The following CTNNA1 variants were observed in gnomAD, a reference collection of about 807,000 sequenced individuals.
CTNNA1 encodes catenin alpha-1.
CTNNA1 carries 37 observed loss-of-function variants against 98.4 expected under a neutral mutation model. The ratio of observed to expected loss-of-function variants is 0.38; its 90% CI spans 0.29 to 0.49. The LOEUF (loss-of-function observed/expected upper bound fraction) is 0.49. Ranked by LOEUF, CTNNA1 falls within the 20% of genes least tolerant of loss-of-function variation. The pLI is 0.95. For synonymous variants in CTNNA1, 404 were observed against 413.2 expected (o/e 0.98, Z 0.27); for missense variants, 761 against 1,147.2 (o/e 0.66, Z 4.86).
intron 7 of CTNNA1, chr5:138,871,134 T>C (rs923387301): frequency 1.3e-5 from 2 of 152,214 alleles, no homozygotes; most frequent in Non-Finnish European, 2.9e-5. Flanking sequence ...GGCTAAACTA[T>C]AGCCTTAACA....
chr5:138,867,998 C>T (rs1295864852), intron 7 of CTNNA1, among the ~76,000 whole-genome samples: 2 of 152,146 alleles, frequency 1.3e-5, no homozygotes, highest in Non-Finnish European at 2.9e-5. Flanking sequence ...GTGATCCACC[C>T]ACCTCAGCCT....
chr5:138,837,351 G>T (rs1049297729), intron 7 of CTNNA1, among the ~76,000 whole-genome samples: 23 of 152,178 alleles, frequency 1.5e-4, no homozygotes, highest in African/African-American at 5.5e-4. Flanking sequence ...AGTCTAGCCT[G>T]CCACTTATTT....
At chr5:138,824,100 G>GTGAT (rs1760390241) in intron 5 of CTNNA1, among the ~76,000 whole-genome samples, 1 of 150,984 alleles carries the variant, frequency 6.6e-6, no homozygotes, top group South Asian at 2.1e-4. Flanking sequence ...ATATAGAGTT[G>GTGAT]TAATCAAGAT....
intron 7 of CTNNA1, among the ~76,000 whole-genome samples, chr5:138,859,957 C>T (rs1266352404): frequency 6.6e-6 from 1 of 152,134 alleles, no homozygotes; most frequent in Non-Finnish European, 1.5e-5. Flanking sequence ...TATATCTAAT[C>T]CCCAGACTCC....
chr5:138,847,526 T>C (rs1397722276), intron 7 of CTNNA1, among the ~76,000 whole-genome samples: 3 of 152,224 alleles, frequency 2.0e-5, no homozygotes, highest in Non-Finnish European at 4.4e-5. Flanking sequence ...GTCCACTTTT[T>C]ATTGTTGCTT....
chr5:138,935,009 A>G lies in CTNNA1; in HGVS notation c.*920A>G, dbSNP rs1004499168. The G allele has an allele frequency of 2.6e-5, 4 of 152,326 alleles. No individual in the cohort carries two copies. Among genetic ancestry groups the G allele is most frequent in the Middle Eastern group, 3.4e-3 (1 of 294 alleles). 9.4% of individuals were successfully genotyped at this position (152,326 alleles called of 1,614,324 possible). On this transcript the variant is annotated 3_prime_UTR_variant, in exon 18 of 18. Transcript: ENST00000302763. ...TTTTTACACTAACTAACTTTTCCCA[A>G]TAAAGTCCACTATGAAACCACGACA...
chr5:138,845,399 A>T (rs889827917), intron 7 of CTNNA1, among the ~76,000 whole-genome samples: 2 of 152,194 alleles, frequency 1.3e-5, no homozygotes, highest in African/African-American at 4.8e-5. Context: ...AGTGTCTAAC[A>T]TTCTTTAAGG....
intron 7 of CTNNA1, among the ~76,000 whole-genome samples, chr5:138,844,984 T>C (rs1367709482): frequency 2.0e-5 from 3 of 152,194 alleles, no homozygotes; most frequent in African/African-American, 7.2e-5. Flanking sequence ...CTCACTGACA[T>C]TGTCCTAGGT....
chr5:138,922,002 G>A (rs112502421), intron 11 of CTNNA1, among the ~76,000 whole-genome samples: 1 of 151,720 alleles, frequency 6.6e-6, no homozygotes, highest in African/African-American at 2.4e-5. Flanking sequence ...TCTACATAAA[G>A]TATGAAACAT....
rs766251073 is a variant in CTNNA1 at position 138,873,541 on chromosome 5, G to A, written c.1063-12671G>A. ...CCTCTCCTTGGGTGTGGTCAGGACT[G>A]TGGCATAGGATGGAGTGTTCCCACC... On this transcript the variant is annotated intron_variant, in intron 7 of 17. Transcript: ENST00000302763. This position sits in a 1 kb window ranked among gnomAD's most constrained non-coding sequence, Gnocchi z 6.1. 6.2e-7 allele frequency: 1 copy of A among 1,614,020 alleles called. No homozygotes were observed. The highest frequency in any genetic ancestry group is 1.1e-5 in the South Asian group (1 of 91,078).
chr5:138,840,676 A>G (rs1762196504), intron 7 of CTNNA1, among the ~76,000 whole-genome samples: 1 of 152,196 alleles, frequency 6.6e-6, no homozygotes, highest in South Asian at 2.1e-4. Flanking sequence ...AAACATGTAA[A>G]ACTAAAAGCT....
intron 7 of CTNNA1, among the ~76,000 whole-genome samples, chr5:138,845,047 T>C (rs1762589389): frequency 6.6e-6 from 1 of 152,200 alleles, no homozygotes; most frequent in African/African-American, 2.4e-5. Context: ...ATAAAGTTAC[T>C]GCCGAAGGAG....
intron 13 of CTNNA1, among the ~76,000 whole-genome samples, chr5:138,928,287 G>A (rs1764556382): frequency 1.3e-5 from 2 of 152,106 alleles, no homozygotes; most frequent in South Asian, 4.2e-4. Context: ...GCTGGTAGTT[G>A]GTACAAAATA....
chr5:138,867,739 CTTTCTTTCTT>C (rs1764924550), intron 7 of CTNNA1, among the ~76,000 whole-genome samples: 1 of 146,520 alleles, frequency 6.8e-6, no homozygotes, highest in African/African-American at 2.6e-5. Context: ...TTATGATTTT[CTTTCTTTCTT>C]TTTTTTTTTT....
At chr5:138,930,994 G>T in intron 16 of CTNNA1, 59 bp downstream of exon 16, 2 of 1,116,802 alleles carry the variant, frequency 1.8e-6, no homozygotes, top group Admixed American at 1.7e-5. Context: ...AGGCAGCCCA[G>T]CCTGGTCCAT....
In CTNNA1 at chr5:138,874,142, A is replaced by G; in HGVS notation, c.1063-12070A>G. ...CAGAGATGACAGCTGATTAAAAGAC[A>G]GGTCCAAATTTTGCAGGTTAATCAG... On this transcript the variant is annotated intron_variant, in intron 7 of 17. Transcript: ENST00000302763. This position sits in a 1 kb window ranked among gnomAD's most constrained non-coding sequence, Gnocchi z 4.1. The G allele has an allele frequency of 1.9e-6, 3 of 1,613,772 alleles. No homozygotes were observed. Among genetic ancestry groups the G allele is most frequent in the Non-Finnish European group, 2.5e-6 (3 of 1,179,734 alleles).
At chr5:138,789,461 T>TA (rs554929199) in intron 3 of CTNNA1, among the ~76,000 whole-genome samples, 1 of 151,956 alleles carries the variant, frequency 6.6e-6, no homozygotes, top group East Asian at 1.9e-4. Context: ...AGGTTTTTGT[T>TA]TTGTTTTGTT....
At chr5:138,864,461 A>G (rs908068009) in intron 7 of CTNNA1, among the ~76,000 whole-genome samples, 2 of 152,208 alleles carry the variant, frequency 1.3e-5, no homozygotes, top group South Asian at 2.1e-4. Flanking sequence ...TATCAGAATA[A>G]TTTTAACCTT....
intron 10 of CTNNA1, chr5:138,904,713 T>C (rs957418587): frequency 1.9e-5 from 6 of 322,454 alleles, no homozygotes; most frequent in Non-Finnish European, 3.4e-5. Flanking sequence ...TCGCAGCACT[T>C]TGGGATCCCA....
Sources: gnomAD v4.1 joint callset for allele counts (sites outside exome capture counted in the v4.1 genomes callset) on GRCh38, gnomAD v4.1.1 for gene constraint, Gnocchi (gnomAD v3.1) non-coding constraint, MANE v1.5 for transcripts, NCBI Gene and HGNC (gene_info 2026-07-23, HGNC 2026-07-21) for gene names.